Variants in CDK19 observed in about 807,000 individuals in gnomAD.
CDK19 encodes the protein cyclin dependent kinase 19, also known as cyclin-dependent kinase 19.
CDK19 carries 20 observed loss-of-function variants against 68.3 expected under a neutral mutation model. That is an observed-to-expected ratio of 0.29 (90% CI 0.21 to 0.43). The LOEUF (loss-of-function observed/expected upper bound fraction) is 0.43, where lower values mean the gene tolerates loss of function less well. Ranked by LOEUF, CDK19 falls within the 20% of genes least tolerant of loss-of-function variation. CDK19 has a pLI of 1.00. For missense variants in CDK19, 339 were observed against 623.5 expected, an observed-to-expected ratio of 0.54 and a Z score of 4.86; for synonymous variants, 221 against 222.8, an observed-to-expected ratio of 0.99 and a Z score of 0.07.
At chr6:110,632,685 C>G (rs185035139) in intron 5 of CDK19, among the ~76,000 whole-genome samples, 1 of 151,894 alleles carries the variant, frequency 6.6e-6, no homozygotes, top group East Asian at 1.9e-4. Flanking sequence ...GAGCCAAGAT[C>G]ACACCACTGT....
At chr6:110,747,290 A>T (rs1396930970) in intron 1 of CDK19, among the ~76,000 whole-genome samples, 3 of 152,184 alleles carry the variant, frequency 2.0e-5, no homozygotes, top group Admixed American at 2.0e-4. Flanking sequence ...AGATTTTCAC[A>T]ATCATCTTCA....
At chr6:110,668,764 G>A (rs771165062) in intron 3 of CDK19, among the ~76,000 whole-genome samples, 2 of 151,772 alleles carry the variant, frequency 1.3e-5, no homozygotes, top group African/African-American at 2.4e-5. Context: ...CCCAGAAGGC[G>A]GAGGTTGCAG....
chr6:110,738,058 TTGAG>T (rs1777377026), intron 2 of CDK19, among the ~76,000 whole-genome samples: 2 of 152,178 alleles, frequency 1.3e-5, no homozygotes, highest in Admixed American at 1.3e-4. Flanking sequence ...TTTTTCTACT[TTGAG>T]TGTTTTTTAC....
chr6:110,682,375 T>C (rs925898409), intron 2 of CDK19, among the ~76,000 whole-genome samples: 1 of 152,178 alleles, frequency 6.6e-6, no homozygotes, highest in Non-Finnish European at 1.5e-5. Context: ...TTATGGCAAA[T>C]AGGAGATTTG....
chr6:110,752,118 T>C (rs1380268105), intron 1 of CDK19, among the ~76,000 whole-genome samples: 1 of 152,148 alleles, frequency 6.6e-6, no homozygotes, highest in Non-Finnish European at 1.5e-5. Context: ...AGTATCATCA[T>C]GAGCCCAATA....
At chr6:110,696,694 G>A (rs1470510048) in intron 2 of CDK19, among the ~76,000 whole-genome samples, 1 of 152,198 alleles carries the variant, frequency 6.6e-6, no homozygotes, top group Non-Finnish European at 1.5e-5. Context: ...AGCTGAGGCA[G>A]GCGGATCACC....
intron 2 of CDK19, among the ~76,000 whole-genome samples, chr6:110,721,253 AAATT>A (rs749976738): frequency 1.2e-3 from 177 of 152,256 alleles, no homozygotes; most frequent in Non-Finnish European, 1.8e-3. Flanking sequence ...ATAAAAATAG[AAATT>A]AATTAATTAA....
intron 1 of CDK19, among the ~76,000 whole-genome samples, chr6:110,809,389 T>C (rs1014638269): frequency 6.6e-6 from 1 of 151,514 alleles, no homozygotes; most frequent in Non-Finnish European, 1.5e-5. Context: ...AGCCAGCACG[T>C]GCATCTGTGG....
chr6:110,806,071 G>T (rs1477607612), intron 1 of CDK19, among the ~76,000 whole-genome samples: 1 of 152,046 alleles, frequency 6.6e-6, no homozygotes, highest in Non-Finnish European at 1.5e-5. Context: ...TGGGTGCAGT[G>T]GCTGACGCTT....
intron 2 of CDK19, among the ~76,000 whole-genome samples, chr6:110,702,874 A>C (rs1229945174): frequency 6.6e-6 from 1 of 152,212 alleles, no homozygotes; most frequent in African/African-American, 2.4e-5. Context: ...AAAGAAGACA[A>C]AGGTTTAACA....
intron 4 of CDK19, among the ~76,000 whole-genome samples, chr6:110,666,991 T>C (rs1206884700): frequency 2.0e-5 from 3 of 152,226 alleles, no homozygotes; most frequent in African/African-American, 4.8e-5. Context: ...ATTTATTCAT[T>C]TGTTTATTAA....
At chr6:110,810,894 T>A (rs1180383234) in intron 1 of CDK19, among the ~76,000 whole-genome samples, 1 of 152,228 alleles carries the variant, frequency 6.6e-6, no homozygotes, top group African/African-American at 2.4e-5. Flanking sequence ...CATATTTTTT[T>A]TTGGTATAAA....
At chr6:110,698,756 T>C (rs1773714990) in intron 2 of CDK19, among the ~76,000 whole-genome samples, 1 of 152,116 alleles carries the variant, frequency 6.6e-6, no homozygotes, top group African/African-American at 2.4e-5. Flanking sequence ...CCAACCTAAG[T>C]GCTCATTAAC....
intron 1 of CDK19, among the ~76,000 whole-genome samples, chr6:110,796,811 C>G (rs924375679): frequency 5.4e-5 from 8 of 149,434 alleles, no homozygotes; most frequent in African/African-American, 2.0e-4. Context: ...AGTTCGAGAC[C>G]AGCCTGGCCA....
In CDK19 at chr6:110,749,904, T is replaced by C. The variant is rs926862013; in HGVS notation, c.129-3703A>G. Among the ~76,000 whole-genome samples the C allele has an allele frequency of 6.8e-5, 9 of 132,052 alleles. 1 individual carries two copies. The highest frequency in any genetic ancestry group is 1.7e-5 in the Non-Finnish European group (1 of 59,912). The allele number at this position is 132,052 out of a possible 152,430, so 86.6% of individuals were successfully genotyped here. ...CTTCTGCATCAGCCTCCAGAGTAGC[T>C]GGGACTACAGGTGCCCGCCACCACA... On this transcript the variant is annotated intron_variant, in intron 1 of 12. Coordinates refer to ENST00000368911, the MANE Select transcript of CDK19 (RefSeq NM_015076.5).
intron 2 of CDK19, among the ~76,000 whole-genome samples, chr6:110,704,168 A>T (rs1774243458): frequency 6.6e-6 from 1 of 152,218 alleles, no homozygotes; most frequent in African/African-American, 2.4e-5. Flanking sequence ...CAAGACAGAT[A>T]ACTCCAAAAT....
intron 2 of CDK19, among the ~76,000 whole-genome samples, chr6:110,729,603 A>T (rs867069761): frequency 1.2e-3 from 162 of 134,164 alleles, no homozygotes; most frequent in Admixed American, 1.7e-3. Context: ...TAATTTTTGT[A>T]TTTTTTTTTT....
chr6:110,796,781 G>C (rs1338851942), intron 1 of CDK19, among the ~76,000 whole-genome samples: 1 of 151,954 alleles, frequency 6.6e-6, no homozygotes, highest in Non-Finnish European at 1.5e-5. Flanking sequence ...GGCCAAGGTG[G>C]ATGATCATTT....
chr6:110,744,896 G>A (rs928977311), intron 2 of CDK19, among the ~76,000 whole-genome samples: 10 of 152,222 alleles, frequency 6.6e-5, no homozygotes, highest in African/African-American at 9.6e-5. Flanking sequence ...GACTAAAAGC[G>A]ATGAAGGAGT....
Sources: gnomAD v4.1 joint callset for allele counts (sites outside exome capture counted in the v4.1 genomes callset) on GRCh38, gnomAD v4.1.1 for gene constraint, MANE v1.5 for transcripts, NCBI Gene and HGNC (gene_info 2026-07-23, HGNC 2026-07-21) for gene names.